RORB: variants seen among roughly 807,000 people sequenced by gnomAD.
RORB encodes RAR related orphan receptor B, also known as nuclear receptor ROR-beta.
Under a neutral mutation model 59.1 loss-of-function variants are expected in RORB, and 6 were observed. That is an observed-to-expected ratio of 0.10 (90% CI 0.06 to 0.20). The LOEUF (loss-of-function observed/expected upper bound fraction) is 0.20. Among genes scored for constraint, RORB ranks in the 10% least tolerant of loss-of-function variants. The pLI, the probability that RORB is intolerant of heterozygous loss-of-function variation, is 1.00. For missense variants in RORB, 320 were observed against 560.5 expected (o/e 0.57, Z 4.33); for synonymous variants, 215 against 204.5 (o/e 1.05, Z -0.44).
intron 1 of RORB, among the ~76,000 whole-genome samples, chr9:74,513,802 AT>A (rs1309929154): frequency 6.6e-6 from 1 of 152,118 alleles, no homozygotes; most frequent in Non-Finnish European, 1.5e-5. Flanking sequence ...CCATTGGTAT[AT>A]TTAAATGAAA....
chr9:74,685,290 G>A (rs930525041), intron 9 of RORB, among the ~76,000 whole-genome samples, 173 bp from the exon 10 acceptor site: 3 of 151,382 alleles, frequency 2.0e-5, no homozygotes, highest in Admixed American at 6.6e-5. Flanking sequence ...GGGTGGGTAC[G>A]TTTTATTTTG....
At chr9:74,511,722 GTCA>G (rs1419280962) in intron 1 of RORB, among the ~76,000 whole-genome samples, 4 of 149,414 alleles carry the variant, frequency 2.7e-5, no homozygotes, top group Non-Finnish European at 4.4e-5. Flanking sequence ...TTTGCCTGAG[GTCA>G]TCTAGTATGA....
intron 1 of RORB, among the ~76,000 whole-genome samples, chr9:74,583,204 C>G (rs893611846): frequency 6.6e-6 from 1 of 152,030 alleles, no homozygotes; most frequent in South Asian, 2.1e-4. Context: ...TTTCTTTTTA[C>G]CAACTTACTA....
chr9:74,548,501 G>A (rs184471267), intron 1 of RORB, among the ~76,000 whole-genome samples: 1 of 152,242 alleles, frequency 6.6e-6, no homozygotes, highest in Admixed American at 6.5e-5. Context: ...ACTACTTCTT[G>A]TCCAGATTAA....
intron 1 of RORB, among the ~76,000 whole-genome samples, chr9:74,576,697 G>T (rs1002386429): frequency 5.9e-5 from 9 of 151,988 alleles, no homozygotes; most frequent in African/African-American, 1.7e-4. Context: ...GAAAGCAATT[G>T]GTGGGCTTAG....
chr9:74,642,842 T>G (rs776864047), intron 4 of RORB, 27 bp downstream of exon 4: 1 of 1,525,066 alleles, frequency 6.6e-7, no homozygotes, highest in Non-Finnish European at 8.8e-7. Context: ...TCCCAGTGGC[T>G]TTTTTTGAGA....
intron 1 of RORB, among the ~76,000 whole-genome samples, chr9:74,514,196 A>G (rs1459325347): frequency 2.6e-5 from 4 of 152,138 alleles, no homozygotes; most frequent in African/African-American, 9.6e-5. Context: ...TTCTAAAGAA[A>G]TTGTGAATAA....
chr9:74,528,938 G>A (rs2118091137), intron 1 of RORB, among the ~76,000 whole-genome samples: 1 of 152,176 alleles, frequency 6.6e-6, no homozygotes, highest in East Asian at 1.9e-4. Flanking sequence ...CTCAGTGAGT[G>A]TTGGAGCTAA....
chr9:74,593,852 A>G (rs1822935767), intron 1 of RORB, among the ~76,000 whole-genome samples: 1 of 152,232 alleles, frequency 6.6e-6, no homozygotes, highest in Non-Finnish European at 1.5e-5. Flanking sequence ...TTTTGTGTAA[A>G]CACCAACATT....
At chr9:74,615,661 C>T (rs1190203967) in intron 1 of RORB, 2 of 452,548 alleles carry the variant, frequency 4.4e-6, no homozygotes, top group Non-Finnish European at 4.4e-6. Context: ...ATTTTCTTCT[C>T]TCTTCTGACA....
chr9:74,638,519 A>C (rs1362731251), intron 3 of RORB, among the ~76,000 whole-genome samples: 1 of 151,556 alleles, frequency 6.6e-6, no homozygotes, highest in African/African-American at 2.4e-5. Context: ...CTGTCTTTAT[A>C]CTCAAGTGAA....
At chr9:74,663,787 A>C (rs1362835343) in intron 6 of RORB, among the ~76,000 whole-genome samples, 1 of 152,056 alleles carries the variant, frequency 6.6e-6, no homozygotes, top group Non-Finnish European at 1.5e-5. Flanking sequence ...GTTCCTCTCC[A>C]TGTGAGACCC....
intron 1 of RORB, among the ~76,000 whole-genome samples, chr9:74,603,318 G>T (rs537918785): frequency 1.3e-5 from 2 of 152,302 alleles, no homozygotes; most frequent in African/African-American, 4.8e-5. Context: ...TTCATGCTCA[G>T]TAGCAACCAC....
intron 6 of RORB, 113 bp from the exon 7 acceptor site, chr9:74,665,375 T>C (rs1824248514): frequency 3.8e-6 from 2 of 521,384 alleles, no homozygotes; most frequent in Non-Finnish European, 3.3e-6. Context: ...TGTGTCTCTC[T>C]GTGTGTTTTA....
intron 3 of RORB, among the ~76,000 whole-genome samples, chr9:74,640,602 G>A (rs1221604077): frequency 6.6e-6 from 1 of 152,116 alleles, no homozygotes; most frequent in Non-Finnish European, 1.5e-5. Flanking sequence ...AGGTTTTTAA[G>A]AAGGATTAAG....
At chr9:74,648,967 G>A (rs1165325791) in intron 4 of RORB, among the ~76,000 whole-genome samples, 1 of 150,980 alleles carries the variant, frequency 6.6e-6, no homozygotes, top group Non-Finnish European at 1.5e-5. Context: ...ATGAAGATAG[G>A]TTCTTTTTTT....
At chr9:74,554,172 G>C (rs187170164) in intron 1 of RORB, among the ~76,000 whole-genome samples, 1 of 152,140 alleles carries the variant, frequency 6.6e-6, no homozygotes, top group Non-Finnish European at 1.5e-5. Context: ...TTGCACAGGT[G>C]AGATAAATGA....
intron 1 of RORB, among the ~76,000 whole-genome samples, chr9:74,568,310 A>G (rs905903734): frequency 6.6e-6 from 1 of 151,776 alleles, no homozygotes; most frequent in Non-Finnish European, 1.5e-5. Context: ...TGATTTTTTT[A>G]GGTCATTATA....
Position 74,660,172 on chromosome 9 carries a change from C to T in RORB, c.638-445C>T, listed in dbSNP as rs533366786. On this transcript the variant is annotated intron_variant, in intron 4 of 9. Transcript: ENST00000376896. ...CTTTTAGTTTATTGTTTAATGCTTC[C>T]TTTAAAAAAATAAGCAAATAAATTT... 2.2e-4 allele frequency among the ~76,000 whole-genome samples: 33 copies of T among 152,018 alleles called. 2 individuals are homozygous for T. The South Asian group carries it at 6.9e-3, about 32-fold the overall frequency.
Sources: allele counts gnomAD v4.1 joint callset (sites outside exome capture counted in the v4.1 genomes callset), GRCh38; gene constraint gnomAD v4.1.1; transcripts MANE v1.5; gene names NCBI Gene and HGNC (gene_info 2026-07-23, HGNC 2026-07-21).